EFCAB6: variants seen among roughly 807,000 people sequenced by gnomAD.
EFCAB6 encodes EF-hand calcium binding domain 6.
Under a neutral mutation model 169.8 loss-of-function variants are expected in EFCAB6, and 156 were observed. The observed-to-expected ratio is 0.92, with a 90% CI of 0.81 to 1.05. The LOEUF (loss-of-function observed/expected upper bound fraction) is 1.05, where lower values mean the gene tolerates loss of function less well. EFCAB6 is among the 50% of genes least tolerant of loss of function. EFCAB6 has a pLI of 0.00. For missense variants in EFCAB6, 1,800 were observed against 1,829.1 expected, an observed-to-expected ratio of 0.98 and a Z score of 0.29; for synonymous variants, 698 against 676.4, an observed-to-expected ratio of 1.03 and a Z score of -0.50.
At position 43,626,643 on chromosome 22, in the gene EFCAB6, T is replaced by C. The variant is rs1410167222; in HGVS notation, c.2269A>G (p.Arg757Gly). The C allele has an allele frequency of 6.2e-7, 1 of 1,614,218 alleles. No individual in the cohort carries two copies. The highest frequency in any genetic ancestry group is 1.3e-5 in the African/African-American group (1 of 75,054). ...YSAFFKTDAD[R>G]DGIINMHDLH... ...TCATGCATGTTGATTATGCCATCCC[T>C]GTCAGCATCTGTTTTAAAGAAGGCA... The change falls in exon 20 of 32, where the codon AGG (arginine) becomes GGG (glycine). Residue 757 changes from arginine (R) to glycine (G), a missense_variant. Coordinates refer to ENST00000262726, the MANE Select transcript of EFCAB6 (RefSeq NM_022785.4).
intron 20 of EFCAB6, among the ~76,000 whole-genome samples, chr22:43,618,165 GGAAAGAAA>G (rs1172174002): frequency 0.066 from 4,469 of 68,022 alleles, 219 homozygotes; most frequent in Non-Finnish European, 0.088. Flanking sequence ...AAGGAAGGAA[GGAAAGAAA>G]GAAAGAAAGA....
At chr22:43,549,707 C>G (rs952760615) in intron 27 of EFCAB6, among the ~76,000 whole-genome samples, 4 of 152,112 alleles carry the variant, frequency 2.6e-5, no homozygotes, top group Non-Finnish European at 5.9e-5. Flanking sequence ...ATATTGATAC[C>G]AAAGCCAGAC....
intron 24 of EFCAB6, among the ~76,000 whole-genome samples, chr22:43,582,554 T>G (rs1005792167): frequency 6.6e-6 from 1 of 152,242 alleles, no homozygotes; most frequent in Non-Finnish European, 1.5e-5. Context: ...CCCATTCTTA[T>G]GAGATTACTT....
chr22:43,799,360 A>ACACACACAC (rs2062624759), intron 2 of EFCAB6, among the ~76,000 whole-genome samples: 2 of 103,318 alleles, frequency 1.9e-5, no homozygotes, highest in Non-Finnish European at 4.4e-5. Flanking sequence ...CACACACACA[A>ACACACACAC]ACATGTACAA....
At chr22:43,799,427 T>C (rs751751358) in intron 2 of EFCAB6, among the ~76,000 whole-genome samples, 1 of 152,062 alleles carries the variant, frequency 6.6e-6, no homozygotes, top group Non-Finnish European at 1.5e-5. Flanking sequence ...GAAAAAGATA[T>C]GCACACTGTT....
chr22:43,810,575 A>G (rs2063077306), intron 1 of EFCAB6, among the ~76,000 whole-genome samples: 1 of 152,160 alleles, frequency 6.6e-6, no homozygotes, highest in Non-Finnish European at 1.5e-5. Flanking sequence ...ATCCTCATGG[A>G]GCTGGTTCTG....
chr22:43,591,942 C>G (rs895802305), intron 23 of EFCAB6, among the ~76,000 whole-genome samples: 3 of 152,208 alleles, frequency 2.0e-5, no homozygotes, highest in African/African-American at 2.4e-5. Context: ...AAAATGTCTT[C>G]CTTACAAACT....
intron 17 of EFCAB6, among the ~76,000 whole-genome samples, chr22:43,636,833 A>T (rs1467435483): frequency 6.6e-6 from 1 of 151,680 alleles, no homozygotes; most frequent in Non-Finnish European, 1.5e-5. Context: ...GATGGTCTCG[A>T]TCTCCTGACC....
intron 8 of EFCAB6, among the ~76,000 whole-genome samples, chr22:43,719,333 C>A (rs1034926754): frequency 1.3e-5 from 2 of 152,208 alleles, no homozygotes; most frequent in Admixed American, 1.3e-4. Context: ...GGTGGAGAAG[C>A]AATCCAAAGC....
intron 2 of EFCAB6, among the ~76,000 whole-genome samples, chr22:43,800,052 G>A (rs1310324073): frequency 6.6e-6 from 1 of 152,158 alleles, no homozygotes; most frequent in African/African-American, 2.4e-5. Context: ...AGGGGGAGGT[G>A]GGACTACCAT....
At chr22:43,663,898 G>C (rs2057122617) in intron 17 of EFCAB6, among the ~76,000 whole-genome samples, 1 of 152,202 alleles carries the variant, frequency 6.6e-6, no homozygotes, top group South Asian at 2.1e-4. Flanking sequence ...TTGTGAGAGA[G>C]TAATTTCCAT....
intron 4 of EFCAB6, among the ~76,000 whole-genome samples, chr22:43,769,816 G>A (rs1343552973): frequency 6.6e-6 from 1 of 151,958 alleles, no homozygotes; most frequent in Non-Finnish European, 1.5e-5. Context: ...CGTGATCGTG[G>A]CTCACTGCAA....
chr22:43,550,086 T>C (rs2048296958), intron 27 of EFCAB6, among the ~76,000 whole-genome samples: 1 of 152,096 alleles, frequency 6.6e-6, no homozygotes, highest in Admixed American at 6.6e-5. Context: ...GAGTAGGCAT[T>C]GAAAGACACG....
chr22:43,603,330 C>A (rs2052665827), intron 22 of EFCAB6, among the ~76,000 whole-genome samples: 1 of 152,196 alleles, frequency 6.6e-6, no homozygotes, highest in Non-Finnish European at 1.5e-5. Context: ...CATTGTATAA[C>A]CCTTTGTGTA....
At chr22:43,762,300 A>G (rs985827763) in intron 5 of EFCAB6, among the ~76,000 whole-genome samples, 1 of 152,182 alleles carries the variant, frequency 6.6e-6, no homozygotes, top group African/African-American at 2.4e-5. Context: ...TCCTTTGTTA[A>G]GTCCTTCCAC....
At chr22:43,550,401 G>A (rs1325490871) in intron 27 of EFCAB6, among the ~76,000 whole-genome samples, 1 of 152,208 alleles carries the variant, frequency 6.6e-6, no homozygotes, top group Non-Finnish European at 1.5e-5. Flanking sequence ...GCCGGGCGCG[G>A]TGGCTCATGC....
At chr22:43,538,373 A>G (rs2047505119) in intron 28 of EFCAB6, among the ~76,000 whole-genome samples, 1 of 151,582 alleles carries the variant, frequency 6.6e-6, no homozygotes, top group African/African-American at 2.4e-5. Context: ...CAGCATCCAG[A>G]GTGTTTTTTG....
intron 2 of EFCAB6, among the ~76,000 whole-genome samples, chr22:43,782,834 A>G (rs1472640650): frequency 6.6e-6 from 1 of 152,226 alleles, no homozygotes; most frequent in African/African-American, 2.4e-5. Context: ...CCAAAGGCTT[A>G]CAGCAATCTG....
rs1470249146 is a variant in EFCAB6, at chr22:43,605,871, G to C, written c.2681+2611C>G. Among the ~76,000 whole-genome samples the C allele has an allele frequency of 2.6e-5, 4 of 152,318 alleles. No homozygotes were observed. The East Asian group carries it at 7.7e-4, about 29-fold the overall frequency. On this transcript the variant is annotated intron_variant, in intron 22 of 31. Transcript: ENST00000262726. ...AAAAACTTGATTTGATTTTGAAAAT[G>C]TAGATATTGCATGCAATACTTTCCA...
Sources: gnomAD v4.1 joint callset for allele counts (sites outside exome capture counted in the v4.1 genomes callset) on GRCh38, gnomAD v4.1.1 for gene constraint, MANE v1.5 for transcripts, NCBI Gene and HGNC (gene_info 2026-07-23, HGNC 2026-07-21) for gene names.